PARD3B: variants seen among roughly 807,000 people sequenced by gnomAD.
PARD3B encodes partitioning defective 3 homolog B.
A neutral mutation model predicts 130.2 loss-of-function variants in PARD3B; 103 were observed. The observed-to-expected ratio is 0.79, with a 90% CI of 0.67 to 0.93. The LOEUF is 0.93. Ranked by LOEUF, PARD3B falls within the 40% of genes least tolerant of loss-of-function variation. The pLI is 0.00. For missense variants in PARD3B, 1,609 were observed against 1,499.2 expected (o/e 1.07, Z -1.21); for synonymous variants, 583 against 553.2 (o/e 1.05, Z -0.76).
chr2:204,797,428 A>G (rs953823673), intron 2 of PARD3B, among the ~76,000 whole-genome samples: 1 of 152,186 alleles, frequency 6.6e-6, no homozygotes, highest in Admixed American at 6.5e-5. Flanking sequence ...TAATCAGTTC[A>G]AAAACATTTT....
At chr2:205,197,030 G>GTGT (rs1553636899) in intron 15 of PARD3B, among the ~76,000 whole-genome samples, 236 of 17,046 alleles carry the variant, frequency 0.014, no homozygotes, top group East Asian at 0.044. Flanking sequence ...CTGTGGGGGG[G>GTGT]GGGTGTGTGT....
intron 16 of PARD3B, among the ~76,000 whole-genome samples, chr2:205,246,682 G>T (rs868573182): frequency 2.0e-5 from 3 of 152,148 alleles, no homozygotes; most frequent in African/African-American, 7.2e-5. Context: ...TCCCGTGTTT[G>T]TGTGCCAATT....
chr2:205,419,260 A>C (rs1269596589), intron 19 of PARD3B, among the ~76,000 whole-genome samples: 2 of 152,056 alleles, frequency 1.3e-5, no homozygotes, highest in African/African-American at 4.8e-5. Flanking sequence ...AAAGAGGAGG[A>C]GTTCCCTGCA....
At chr2:205,026,778 CTT>C (rs548315561) in intron 3 of PARD3B, among the ~76,000 whole-genome samples, 60 of 152,244 alleles carry the variant, frequency 3.9e-4, no homozygotes, top group Non-Finnish European at 7.2e-4. Context: ...ATGAGATACT[CTT>C]TGTCTTTTGG....
chr2:204,563,914 C>T (rs2031506253), intron 1 of PARD3B, among the ~76,000 whole-genome samples: 1 of 152,142 alleles, frequency 6.6e-6, no homozygotes, highest in Non-Finnish European at 1.5e-5. Context: ...GCTGGGACTA[C>T]AGGCACCCGC....
At chr2:205,519,829 T>G (rs1008985395) in intron 21 of PARD3B, among the ~76,000 whole-genome samples, 1 of 152,226 alleles carries the variant, frequency 6.6e-6, no homozygotes, top group Non-Finnish European at 1.5e-5. Flanking sequence ...ATCTCTGGTT[T>G]CAGAGGTGGG....
In PARD3B at chr2:204,610,620, A is replaced by G. The variant is rs2033886433; in HGVS notation, c.120+64501A>G. On this transcript the variant is annotated intron_variant, in intron 1 of 22. Coordinates refer to ENST00000406610, the MANE Select transcript of PARD3B (RefSeq NM_001302769.2). This position sits in a 1 kb window ranked among gnomAD's most constrained non-coding sequence, Gnocchi z 4.1. ...GGTGATCCACCCGCATTGGCCTCCC[A>G]AAGTGCTGGGATTACAGGCAGGAGC... Among the ~76,000 whole-genome samples, 1 of 152,138 alleles carries G rather than the reference A, an allele frequency of 6.6e-6. No homozygotes were observed. The highest frequency in any genetic ancestry group is 2.4e-5 in the African/African-American group (1 of 41,448).
In PARD3B at chr2:204,981,820, G is replaced by A. The variant is rs556895121; in HGVS notation, c.394+16497G>A. Among the ~76,000 whole-genome samples, 5 of 152,224 alleles carry A rather than the reference G, an allele frequency of 3.3e-5. No individual in the cohort carries two copies. The South Asian group carries it at 1.0e-3, about 32-fold the overall frequency. On this transcript the variant is annotated intron_variant, in intron 3 of 22. Transcript: ENST00000406610. ...GAACGAGGAGTCTAATGTTAAACAG[G>A]GTGGCATTTGAGGAAAACTGGAAGG...
rs1344363999 is a variant in PARD3B, at chr2:204,669,370, T to C, written c.121-16811T>C. Among the ~76,000 whole-genome samples the C allele has an allele frequency of 6.6e-6, 1 of 152,184 alleles. No homozygotes were observed. Among genetic ancestry groups the C allele is most frequent in the Non-Finnish European group, 1.5e-5 (1 of 68,024 alleles). On this transcript the variant is annotated intron_variant, in intron 1 of 22. Coordinates refer to ENST00000406610, the MANE Select transcript of PARD3B (RefSeq NM_001302769.2). This position sits in a 1 kb window ranked among gnomAD's most constrained non-coding sequence, Gnocchi z 4.3. Reference sequence around the variant, plus strand: ...CAAAATTGGATAATTTGTTTTGCTATTGAATGTGATTATATCCACTTTTAT... The same window carrying C: ...CAAAATTGGATAATTTGTTTTGCTACTGAATGTGATTATATCCACTTTTAT...
intron 18 of PARD3B, among the ~76,000 whole-genome samples, chr2:205,365,842 G>A (rs972094950): frequency 6.6e-6 from 1 of 152,170 alleles, no homozygotes; most frequent in African/African-American, 2.4e-5. Context: ...CTCTGTTGAA[G>A]AAAAATGACA....
chr2:205,365,671 T>C (rs1188233160), intron 18 of PARD3B, among the ~76,000 whole-genome samples: 2 of 151,740 alleles, frequency 1.3e-5, no homozygotes, highest in Non-Finnish European at 2.9e-5. Flanking sequence ...GGGGACTTAA[T>C]CTTTGTGCCC....
intron 10 of PARD3B, among the ~76,000 whole-genome samples, chr2:205,141,267 GTTAT>G (rs35164848): frequency 0.023 from 3,510 of 152,140 alleles, 87 homozygotes; most frequent in Admixed American, 0.063. Flanking sequence ...TCCCAATTCC[GTTAT>G]TTAAGAAGAA....
intron 2 of PARD3B, among the ~76,000 whole-genome samples, chr2:204,940,300 C>A (rs940752657): frequency 1.3e-5 from 2 of 152,078 alleles, no homozygotes; most frequent in Admixed American, 1.3e-4. Flanking sequence ...TGTTTCTTCC[C>A]TGAAAAATGT....
chr2:204,606,347 CT>C lies in PARD3B; in HGVS notation c.120+60231del, dbSNP rs2033723311. 6.6e-6 allele frequency among the ~76,000 whole-genome samples: 1 copy of C among 152,102 alleles called. No homozygotes were observed. On this transcript the variant is annotated intron_variant, in intron 1 of 22. Transcript: ENST00000406610. The surrounding 1 kb of genome is among the most constrained non-coding windows in gnomAD (Gnocchi z 4.0). ...TACTAAGAGGACTACTTTTTTAGTA[CT>C]TTAGTTTCTCAGTCATGCTTTTGTC...
intron 3 of PARD3B, among the ~76,000 whole-genome samples, chr2:205,035,820 T>TATATATATATATATAGTGGG (rs1491091922): frequency 0.052 from 120 of 2,288 alleles, 6 homozygotes; most frequent in African/African-American, 0.099. Flanking sequence ...TATATATATA[T>TATATATATATATATAGTGGG]CTATATATCT....
chr2:205,104,778 C>T (rs903426227), intron 5 of PARD3B, among the ~76,000 whole-genome samples: 1 of 152,096 alleles, frequency 6.6e-6, no homozygotes, highest in Admixed American at 6.6e-5. Flanking sequence ...TTTTTTCTCT[C>T]CTCAAACAGC....
intron 3 of PARD3B, among the ~76,000 whole-genome samples, chr2:204,988,668 TAAG>T (rs1378521732): frequency 6.6e-6 from 1 of 152,158 alleles, no homozygotes; most frequent in Non-Finnish European, 1.5e-5. Context: ...GTGACCTAAA[TAAG>T]TATGCATGAC....
chr2:204,905,155 T>A (rs972882733), intron 2 of PARD3B, among the ~76,000 whole-genome samples: 2 of 152,222 alleles, frequency 1.3e-5, no homozygotes, highest in African/African-American at 4.8e-5. Context: ...ATCCCTAATA[T>A]ATAGCAGTAC....
intron 2 of PARD3B, among the ~76,000 whole-genome samples, chr2:204,882,290 A>T (rs2046085314): frequency 6.6e-6 from 1 of 152,206 alleles, no homozygotes; most frequent in African/African-American, 2.4e-5. Flanking sequence ...TTTGAGGCCT[A>T]TTGCATGCAG....
Sources: allele counts gnomAD v4.1 joint callset (sites outside exome capture counted in the v4.1 genomes callset), GRCh38; gene constraint gnomAD v4.1.1; non-coding constraint Gnocchi (gnomAD v3.1); transcripts MANE v1.5; gene names NCBI Gene and HGNC (gene_info 2026-07-23, HGNC 2026-07-21).